The following G3BP2 variants were observed in gnomAD, a reference collection of about 807,000 sequenced individuals.
G3BP2 encodes the protein G3BP stress granule assembly factor 2.
G3BP2 carries 11 observed loss-of-function variants against 56.7 expected under a neutral mutation model. That is an observed-to-expected ratio of 0.19 (90% CI 0.12 to 0.32). The LOEUF (loss-of-function observed/expected upper bound fraction) is 0.32, where lower values mean the gene tolerates loss of function less well. Ranked by LOEUF, G3BP2 falls within the 10% of genes least tolerant of loss-of-function variation. The pLI, the probability that G3BP2 is intolerant of heterozygous loss-of-function variation, is 1.00. For missense variants in G3BP2, 340 were observed against 610.9 expected, an observed-to-expected ratio of 0.56 and a Z score of 4.67; for synonymous variants, 165 against 191.6, an observed-to-expected ratio of 0.86 and a Z score of 1.15.
At chr4:75,723,838 T>C (rs1720281186) in intron 1 of G3BP2, among the ~76,000 whole-genome samples, 1 of 151,750 alleles carries the variant, frequency 6.6e-6, no homozygotes, top group South Asian at 2.1e-4. Flanking sequence ...GCATGTGTAC[T>C]GACAACCTCA....
chr4:75,668,090 T>A (rs1733198372), intron 1 of G3BP2, among the ~76,000 whole-genome samples: 1 of 152,206 alleles, frequency 6.6e-6, no homozygotes, highest in Non-Finnish European at 1.5e-5. Context: ...TCTATATTTG[T>A]CACCATATTT....
At chr4:75,686,122 T>C (rs1718589501) in intron 3 of G3BP2, among the ~76,000 whole-genome samples, 1 of 152,210 alleles carries the variant, frequency 6.6e-6, no homozygotes, top group African/African-American at 2.4e-5. Flanking sequence ...ATAGAATCTT[T>C]ATTTAAATTG....
intron 3 of G3BP2, among the ~76,000 whole-genome samples, chr4:75,693,561 C>T (rs1177983934): frequency 1.3e-5 from 2 of 151,830 alleles, no homozygotes; most frequent in East Asian, 1.9e-4. Flanking sequence ...GAGGCCAAAG[C>T]GGGTGGATCA....
At chr4:75,685,849 C>T (rs1718575660) in intron 3 of G3BP2, among the ~76,000 whole-genome samples, 1 of 152,180 alleles carries the variant, frequency 6.6e-6, no homozygotes, top group East Asian at 1.9e-4. Flanking sequence ...GTTTTGGAAA[C>T]CAAATCTATA....
At chr4:75,714,308 C>T (rs1719854418) in intron 3 of G3BP2, among the ~76,000 whole-genome samples, 1 of 152,068 alleles carries the variant, frequency 6.6e-6, no homozygotes, top group African/African-American at 2.4e-5. Flanking sequence ...CTCACATATT[C>T]AGGGGGAAAA....
At position 75,690,611 on chromosome 4, in the gene G3BP2, G is replaced by A. The variant is rs182060993; in HGVS notation, c.-24-28562C>T. 2.6e-4 allele frequency among the ~76,000 whole-genome samples: 40 copies of A among 152,058 alleles called. No individual in the cohort carries two copies. The East Asian group carries it at 7.2e-3, about 27-fold the overall frequency. ...AAAAGTGTTCTTTTCTCACTCTGTC[G>A]CCCCCACTGGAGTACAGTGGCGCCA... is the stretch of plus-strand genomic sequence containing the variant. On this transcript the variant is annotated intron_variant, in intron 3 of 3. Coordinates refer to the G3BP2 transcript ENST00000499709.
intron 1 of G3BP2, chr4:75,724,195 T>TA (rs1427652700): frequency 6.5e-6 from 1 of 152,820 alleles, no homozygotes; most frequent in Non-Finnish European, 1.5e-5. Context: ...AAATGCAATT[T>TA]ACCGGGATCA....
At chr4:75,707,115 A>C (rs1719575426) in intron 3 of G3BP2, among the ~76,000 whole-genome samples, 1 of 147,888 alleles carries the variant, frequency 6.8e-6, no homozygotes, top group South Asian at 2.2e-4. Context: ...TGGAAGTTGC[A>C]GTGAGCCAAG....
At chr4:75,718,110 T>C (rs1267570484) in intron 3 of G3BP2, among the ~76,000 whole-genome samples, 10 of 150,566 alleles carry the variant, frequency 6.6e-5, no homozygotes, top group Admixed American at 2.0e-4. Flanking sequence ...CACTCCAGCC[T>C]GGAGACAGAA....
At chr4:75,670,973 A>G (rs138884943) in intron 1 of G3BP2, among the ~76,000 whole-genome samples, 10 of 152,360 alleles carry the variant, frequency 6.6e-5, no homozygotes, top group Non-Finnish European at 1.2e-4. Flanking sequence ...CAGAAAATCC[A>G]AGAATAATTT....
upstream of G3BP2, among the ~76,000 whole-genome samples, chr4:75,674,713 TA>T (rs1733779542): frequency 8.6e-3 from 440 of 51,362 alleles, 3 homozygotes; most frequent in African/African-American, 0.021. Flanking sequence ...TATATATATA[TA>T]TATATTTTTT....
intron 3 of G3BP2, among the ~76,000 whole-genome samples, chr4:75,705,127 C>T (rs541671851): frequency 6.6e-6 from 1 of 152,290 alleles, no homozygotes; most frequent in South Asian, 2.1e-4. Flanking sequence ...CACCCCTGAT[C>T]TAAACCCATT....
chr4:75,702,168 C>A (rs1458882189), intron 3 of G3BP2, among the ~76,000 whole-genome samples: 1 of 129,906 alleles, frequency 7.7e-6, no homozygotes, highest in Non-Finnish European at 1.6e-5. Context: ...TATAAACCCC[C>A]CAATTTTTTT....
At chr4:75,708,951 A>T (rs1278623427) in intron 3 of G3BP2, among the ~76,000 whole-genome samples, 1 of 152,122 alleles carries the variant, frequency 6.6e-6, no homozygotes, top group East Asian at 1.9e-4. Context: ...TCTATAAAAA[A>T]TACAAAAAAA....
chr4:75,669,133 G>A lies in G3BP2; in HGVS notation c.-25+4075C>T, dbSNP rs575051808. 9.9e-5 allele frequency among the ~76,000 whole-genome samples: 15 copies of A among 152,196 alleles called. No homozygotes were observed. In the East Asian group the frequency reaches 2.3e-3, roughly 23 times the overall value. ...TCATCCAAACGCAGAATTTCTCAAG[G>A]TTCTGTCTTCTAACCTGGCAATTTC... On this transcript the variant is annotated intron_variant, in intron 1 of 11. Transcript: ENST00000359707.
At chr4:75,655,471 T>C (rs979165619) in intron 6 of G3BP2, among the ~76,000 whole-genome samples, 1 of 152,224 alleles carries the variant, frequency 6.6e-6, no homozygotes, top group African/African-American at 2.4e-5. Flanking sequence ...CTAAGAATGT[T>C]TACTTTAGTG....
chr4:75,693,786 T>TAA (rs59421805), intron 3 of G3BP2, among the ~76,000 whole-genome samples: 17 of 141,426 alleles, frequency 1.2e-4, no homozygotes, highest in South Asian at 2.2e-4. Context: ...AGACTCCGTC[T>TAA]AAAAAAAAAA....
At chr4:75,719,581 T>C (rs1417736877) in intron 3 of G3BP2, among the ~76,000 whole-genome samples, 1 of 152,012 alleles carries the variant, frequency 6.6e-6, no homozygotes, top group Non-Finnish European at 1.5e-5. Flanking sequence ...CTATTCCAAG[T>C]CCTTACCTTG....
chr4:75,665,646 CACACAAACAA>C (rs59915799), intron 1 of G3BP2, among the ~76,000 whole-genome samples: 6,471 of 74,638 alleles, frequency 0.087, 152 homozygotes, highest in South Asian at 0.2. Flanking sequence ...CACACACAAA[CACACAAACAA>C]ACACACACAC....
Sources: gnomAD v4.1 joint callset for allele counts (sites outside exome capture counted in the v4.1 genomes callset) on GRCh38, gnomAD v4.1.1 for gene constraint, MANE v1.5 for transcripts, NCBI Gene and HGNC (gene_info 2026-07-23, HGNC 2026-07-21) for gene names.